ABCG2: variants seen among roughly 807,000 people sequenced by gnomAD.
The protein encoded by ABCG2 is broad substrate specificity ATP-binding cassette transporter ABCG2.
A neutral mutation model predicts 73.5 loss-of-function variants in ABCG2; 80 were observed. The ratio of observed to expected loss-of-function variants is 1.09; its 90% CI spans 0.91 to 1.31. The LOEUF is 1.31. Among genes scored for constraint, ABCG2 ranks in the 50% most tolerant of loss-of-function variants. The pLI, the probability that ABCG2 is intolerant of heterozygous loss-of-function variation, is 0.00. For synonymous variants in ABCG2, 269 were observed against 282.4 expected (o/e 0.95, Z 0.48); for missense variants, 796 against 786.2 (o/e 1.01, Z -0.15).
chr4:88,212,829 C>T (rs2110124625), intron 1 of ABCG2, among the ~76,000 whole-genome samples: 1 of 152,262 alleles, frequency 6.6e-6, no homozygotes, highest in Non-Finnish European at 1.5e-5. Context: ...CTGCTCTGTG[C>T]CTGTACCCCT....
At chr4:88,137,247 AAACT>A (rs1336260982) in intron 2 of ABCG2, among the ~76,000 whole-genome samples, 3 of 152,174 alleles carry the variant, frequency 2.0e-5, no homozygotes, top group Non-Finnish European at 4.4e-5. Flanking sequence ...TTAGTAAAAC[AAACT>A]AAGAGATAAT....
At chr4:88,130,903 C>G (rs961406646) in intron 5 of ABCG2, among the ~76,000 whole-genome samples, 158 bp downstream of exon 5, 1 of 152,148 alleles carries the variant, frequency 6.6e-6, no homozygotes, top group African/African-American at 2.4e-5. Context: ...TTAATTTCCA[C>G]GTTCATATTA....
At chr4:88,135,582 T>C (rs1725191800) in intron 2 of ABCG2, among the ~76,000 whole-genome samples, 2 of 146,698 alleles carry the variant, frequency 1.4e-5, no homozygotes, top group South Asian at 4.7e-4. Context: ...AATTTAGGGT[T>C]GGGGCTCCCA....
chr4:88,180,570 A>G (rs1210081139), intron 1 of ABCG2, among the ~76,000 whole-genome samples: 1 of 152,094 alleles, frequency 6.6e-6, no homozygotes, highest in Non-Finnish European at 1.5e-5. Flanking sequence ...CCTTGCCTCT[A>G]CAAAAAAAAA....
chr4:88,134,579 A>G (rs1725118098), intron 2 of ABCG2, among the ~76,000 whole-genome samples: 1 of 152,182 alleles, frequency 6.6e-6, no homozygotes, highest in Non-Finnish European at 1.5e-5. Context: ...CTGCCTCTAA[A>G]ATCACCATAA....
chr4:88,172,741 T>A lies in ABCG2; in HGVS notation c.-19-32727A>T, dbSNP rs532734458. Among the ~76,000 whole-genome samples, 4 of 152,300 alleles carry A rather than the reference T, an allele frequency of 2.6e-5. No homozygotes were observed. In the East Asian group the frequency reaches 7.7e-4, roughly 29 times the overall value. Reference sequence around the variant, plus strand: ...GAGGAGGCTTTATTTCTTCTTTTTTTAAACTTCCATTCATAGCCCAGCCCA... The same window carrying A: ...GAGGAGGCTTTATTTCTTCTTTTTTAAAACTTCCATTCATAGCCCAGCCCA... On this transcript the variant is annotated intron_variant, in intron 1 of 15. Transcript: ENST00000515655.
chr4:88,098,070 C>G lies in ABCG2; in HGVS notation c.1493-463G>C, dbSNP rs116573753. On this transcript the variant is annotated intron_variant, in intron 12 of 15. Transcript: ENST00000237612. The stretch of plus-strand genomic sequence containing the variant: ...GGGGCCTCCATAACCCAAGCCTCCC[C>G]AGACAGATCACCACATCACTCTGGA... Among the ~76,000 whole-genome samples, 635 of 152,272 alleles carry G rather than the reference C, an allele frequency of 4.2e-3. 6 individuals carry two copies. The highest frequency in any genetic ancestry group is 0.014 in the African/African-American group (590 of 41,542).
At chr4:88,156,435 C>T (rs189665986) in intron 1 of ABCG2, among the ~76,000 whole-genome samples, 19 of 150,220 alleles carry the variant, frequency 1.3e-4, no homozygotes, top group African/African-American at 3.2e-4. Context: ...GTGGCACAGG[C>T]GCCAACCTGA....
intron 5 of ABCG2, among the ~76,000 whole-genome samples, chr4:88,122,913 G>T (rs1276103175): frequency 6.6e-6 from 1 of 152,192 alleles, no homozygotes. Flanking sequence ...ATACAGGAGA[G>T]CTCCAGCTGG....
rs186186226 is a variant in ABCG2, at chr4:88,143,039, T to C, written c.-19-3025A>G. 2.7e-3 allele frequency among the ~76,000 whole-genome samples: 405 copies of C among 152,336 alleles called. 1 individual carries two copies. The highest frequency in any genetic ancestry group is 4.1e-3 in the Non-Finnish European group (282 of 68,030). ...TTTTTCATCATTATTTCCTATACAATATAGTATCACAACTATTACCATAAC... is the reference window on the plus strand; with the variant it reads ...TTTTTCATCATTATTTCCTATACAACATAGTATCACAACTATTACCATAAC... On this transcript the variant is annotated intron_variant, in intron 1 of 15. Transcript: ENST00000237612.
At chr4:88,169,087 G>A (rs891207926) in intron 1 of ABCG2, among the ~76,000 whole-genome samples, 7 of 144,892 alleles carry the variant, frequency 4.8e-5, no homozygotes, top group Non-Finnish European at 9.0e-5. Context: ...ACTCTGTCAC[G>A]CAGACTAGAG....
chr4:88,224,311 G>A (rs1306345384), intron 1 of ABCG2, among the ~76,000 whole-genome samples: 1 of 152,062 alleles, frequency 6.6e-6, no homozygotes, highest in East Asian at 1.9e-4. Context: ...GGTGGTGGGT[G>A]CCTGTAGTCC....
In ABCG2 at chr4:88,115,029, C is replaced by T; in HGVS notation, c.871G>A (p.Ala291Thr). The change falls in exon 8 of 16, where the codon GCA becomes ACA. Residue 291 changes from alanine (A) to threonine (T), a missense_variant. Physicochemically the swap from Ala to Thr is moderately conservative, Grantham distance 58. Coordinates refer to ENST00000237612, the MANE Select transcript of ABCG2 (RefSeq NM_004827.3). ...GYHCEAYNNP[A>T]DFFLDIINGD... ...TTAATGATGTCCAAGAAGAAGTCTG[C>T]AGGGTTATTATAGGCCTCACAGTGA... is the stretch of plus-strand genomic sequence containing the variant. 1 of 1,612,962 alleles carries T rather than the reference C, an allele frequency of 6.2e-7. No homozygotes were observed. The highest frequency in any genetic ancestry group is 8.5e-7 in the Non-Finnish European group (1 of 1,179,326).
chr4:88,100,398 G>T (rs2110186302), intron 11 of ABCG2, among the ~76,000 whole-genome samples: 1 of 151,904 alleles, frequency 6.6e-6, no homozygotes, highest in East Asian at 2.0e-4. Context: ...AGCTACTTGG[G>T]AGGCTGAGGG....
chr4:88,194,549 C>CAAAAAAAAAAAAA (rs58945293), intron 1 of ABCG2, among the ~76,000 whole-genome samples: 1 of 52,554 alleles, frequency 1.9e-5, no homozygotes, highest in Non-Finnish European at 3.1e-5. Context: ...GACTCCGTCT[C>CAAAAAAAAAAAAA]AAAAAAAAAA....
At chr4:88,131,391 G>T (rs535500275) in intron 4 of ABCG2, among the ~76,000 whole-genome samples, 178 bp from the exon 5 acceptor site, 1 of 152,268 alleles carries the variant, frequency 6.6e-6, no homozygotes, top group African/African-American at 2.4e-5. Context: ...TGCAAAGCCT[G>T]CTATAATCAT....
intron 9 of ABCG2, among the ~76,000 whole-genome samples, chr4:88,108,428 A>G (rs1447961380): frequency 6.6e-6 from 1 of 152,102 alleles, no homozygotes; most frequent in Non-Finnish European, 1.5e-5. Flanking sequence ...GCTACTCGGG[A>G]GGCTGAGGCA....
At chr4:88,123,543 C>G (rs1724159564) in intron 5 of ABCG2, among the ~76,000 whole-genome samples, 1 of 151,908 alleles carries the variant, frequency 6.6e-6, no homozygotes, top group South Asian at 2.1e-4. Flanking sequence ...CTGAATCAAT[C>G]AAGCGGAAGA....
rs952647127 is a variant in ABCG2 at position 88,196,522 on chromosome 4, T to A, written c.-20+34472A>T. On this transcript the variant is annotated intron_variant, in intron 1 of 15. Coordinates refer to the ABCG2 transcript ENST00000515655. ...CACACAAGGATTTTCCATTATTTGA[T>A]GCAAAAGCTGTCAAGTGCATCTCCT... 3.9e-5 allele frequency among the ~76,000 whole-genome samples: 6 copies of A among 152,310 alleles called. No homozygotes were observed. The East Asian group carries it at 1.2e-3, about 29-fold the overall frequency.
Sources: allele counts gnomAD v4.1 joint callset (sites outside exome capture counted in the v4.1 genomes callset), GRCh38; gene constraint gnomAD v4.1.1; transcripts MANE v1.5; gene names NCBI Gene and HGNC (gene_info 2026-07-23, HGNC 2026-07-21).